Variants in RFC3 observed in about 807,000 individuals in gnomAD.
RFC3 encodes the protein replication factor C subunit 3, also known as A1 38 kDa subunit.
In RFC3, 41 loss-of-function variants were observed where a neutral mutation model predicts 45.1. The observed-to-expected ratio is 0.91, with a 90% confidence interval of 0.71 to 1.18. The LOEUF (loss-of-function observed/expected upper bound fraction) is 1.18, where lower values mean the gene tolerates loss of function less well. RFC3 is among the 50% of genes most tolerant of loss of function. RFC3 has a pLI of 0.00. For synonymous variants in RFC3, 149 were observed against 144.0 expected, an observed-to-expected ratio of 1.03 and a Z score of -0.25; for missense variants, 423 against 428.1, an observed-to-expected ratio of 0.99 and a Z score of 0.10.
intron 8 of RFC3, among the ~76,000 whole-genome samples, chr13:33,906,431 T>A (rs1266585086): frequency 3.9e-5 from 6 of 151,990 alleles, no homozygotes; most frequent in African/African-American, 1.4e-4. Context: ...AATCTCCATA[T>A]GACTAAATAT....
chr13:33,970,148 C>A (rs1188729462), downstream of RFC3, among the ~76,000 whole-genome samples: 1 of 152,102 alleles, frequency 6.6e-6, no homozygotes, highest in Admixed American at 6.6e-5. Context: ...CATGTGTTCT[C>A]ATCATTCACT....
chr13:33,958,820 C>A (rs933050569), intron 8 of RFC3, among the ~76,000 whole-genome samples: 3 of 152,142 alleles, frequency 2.0e-5, no homozygotes, highest in African/African-American at 7.2e-5. Flanking sequence ...GCTGCCCTAC[C>A]CCCATGATTA....
Position 33,837,476 on chromosome 13 carries a change from T to C in RFC3, c.*1181T>C, listed in dbSNP as rs1434411259. 1 of 152,186 alleles carries C rather than the reference T, an allele frequency of 6.6e-6. No homozygotes were observed. Among genetic ancestry groups the C allele is most frequent in the Non-Finnish European group, 1.5e-5 (1 of 68,008 alleles). 9.4% of individuals were successfully genotyped at this position (152,186 alleles called of 1,614,324 possible). A position where few individuals can be genotyped will look rare whatever the true frequency, so the allele number is the denominator to read the frequency against. ...GGTTTGTTTCCAGGTTTGGTTATTA[T>C]GAATAAAGTTGCTGTGAATACTTAC... On this transcript the variant is annotated 3_prime_UTR_variant, in exon 9 of 9. Coordinates refer to ENST00000380071, the MANE Select transcript of RFC3 (RefSeq NM_002915.4).
chr13:33,828,841 G>GC (rs1490316831), intron 4 of RFC3, among the ~76,000 whole-genome samples: 1 of 152,182 alleles, frequency 6.6e-6, no homozygotes, highest in Non-Finnish European at 1.5e-5. Context: ...CTGGCCAACT[G>GC]CTGCTTTCAA....
Position 33,881,599 on chromosome 13 carries a change from C to T in RFC3, c.879+46382C>T, listed in dbSNP as rs532371590. Among the ~76,000 whole-genome samples the T allele has an allele frequency of 2.0e-5, 3 of 152,174 alleles. No homozygotes were observed. In the South Asian group the frequency reaches 6.3e-4, roughly 32 times the overall value. On this transcript the variant is annotated intron_variant, in intron 8 of 8. Transcript: ENST00000434425. The stretch of plus-strand genomic sequence containing the variant: ...TCAGTAGGATCCGGCCAGTTGTCTC[C>T]TCTCGGGGGCTATTTCGAGGGTCTA...
intron 8 of RFC3, among the ~76,000 whole-genome samples, chr13:33,956,570 G>A (rs562089447): frequency 1.3e-5 from 2 of 152,190 alleles, no homozygotes; most frequent in African/African-American, 4.8e-5. Context: ...ATTTCCATAT[G>A]CCCAAACCTT....
chr13:33,834,298 G>GTATATATATATATATATATATATATATA (rs58858615), intron 7 of RFC3, among the ~76,000 whole-genome samples: 1 of 109,206 alleles, frequency 9.2e-6, no homozygotes, highest in Non-Finnish European at 1.7e-5. Context: ...TGTACTGTGT[G>GTATATATATATATATATATATATATATA]TATATATATA....
At chr13:33,861,643 C>T (rs2082341705) in intron 8 of RFC3, among the ~76,000 whole-genome samples, 1 of 144,068 alleles carries the variant, frequency 6.9e-6, no homozygotes. Flanking sequence ...AAAACTCCAT[C>T]TCAAAAAAAA....
intron 8 of RFC3, among the ~76,000 whole-genome samples, chr13:33,871,779 C>A (rs1188435712): frequency 6.6e-6 from 1 of 152,208 alleles, no homozygotes. Context: ...TGGGGCCATT[C>A]TCTTCACTTG....
intron 8 of RFC3, among the ~76,000 whole-genome samples, chr13:33,926,322 A>G (rs2082813238): frequency 6.6e-6 from 1 of 151,878 alleles, no homozygotes. Flanking sequence ...ACTAACCTGC[A>G]CATTGTGCAC....
At chr13:33,901,496 T>C (rs1014701680) in intron 8 of RFC3, among the ~76,000 whole-genome samples, 1 of 151,880 alleles carries the variant, frequency 6.6e-6, no homozygotes, top group Non-Finnish European at 1.5e-5. Context: ...GTGGGTATCA[T>C]GGAGATAGAG....
intron 8 of RFC3, among the ~76,000 whole-genome samples, chr13:33,843,888 CTA>C (rs1410597704): frequency 2.0e-5 from 3 of 152,186 alleles, no homozygotes; most frequent in Non-Finnish European, 2.9e-5. Context: ...CATATGCAGC[CTA>C]TGTTACCATA....
intron 8 of RFC3, among the ~76,000 whole-genome samples, chr13:33,952,148 C>G (rs2082994918): frequency 6.6e-6 from 1 of 152,184 alleles, no homozygotes; most frequent in Admixed American, 6.5e-5. Flanking sequence ...TTGTTTATGT[C>G]TGGAGAATAT....
intron 8 of RFC3, among the ~76,000 whole-genome samples, chr13:33,862,455 C>T (rs1277748340): frequency 6.6e-6 from 1 of 152,032 alleles, no homozygotes; most frequent in South Asian, 2.1e-4. Flanking sequence ...TTAATGCTTC[C>T]CATCCTTTAT....
chr13:33,846,429 C>T (rs2082237279), intron 8 of RFC3: 1 of 152,268 alleles, frequency 6.6e-6, no homozygotes, highest in Non-Finnish European at 1.5e-5. Context: ...ATGAGGCCCT[C>T]AGGACTCTAC....
At chr13:33,912,991 G>A (rs2082712229) in intron 8 of RFC3, among the ~76,000 whole-genome samples, 2 of 152,072 alleles carry the variant, frequency 1.3e-5, no homozygotes, top group African/African-American at 4.8e-5. Context: ...TGCTAGTCCT[G>A]TTCACAGAAA....
chr13:33,838,621 T>C (rs1324522272), downstream of RFC3, among the ~76,000 whole-genome samples: 1 of 152,144 alleles, frequency 6.6e-6, no homozygotes, highest in African/African-American at 2.4e-5. Context: ...TGTCTACATG[T>C]AGTTTTCTTT....
At position 33,836,960 on chromosome 13, in the gene RFC3, G is replaced by GTAAT. The variant is rs2082160799; in HGVS notation, c.*668_*671dup. The stretch of plus-strand genomic sequence containing the variant: ...TTCTGGAGAAAGGTATGTTACTGTA[G>GTAAT]TAATTACTCTTTGAACAGGTTTTGT... On this transcript the variant is annotated 3_prime_UTR_variant, in exon 9 of 9. Coordinates refer to ENST00000380071, the MANE Select transcript of RFC3 (RefSeq NM_002915.4). 1 of 978,482 alleles carries GTAAT rather than the reference G, an allele frequency of 1.0e-6. No homozygotes were observed. Among genetic ancestry groups the GTAAT allele is most frequent in the East Asian group, 1.1e-4 (1 of 8,810 alleles). 60.6% of individuals were successfully genotyped at this position (978,482 alleles called of 1,614,324 possible). A position where few individuals can be genotyped will look rare whatever the true frequency, so the allele number is the denominator to read the frequency against.
intron 8 of RFC3, among the ~76,000 whole-genome samples, chr13:33,887,512 T>G (rs927814680): frequency 1.3e-5 from 2 of 152,144 alleles, no homozygotes; most frequent in Non-Finnish European, 1.5e-5. Flanking sequence ...TTTGTTTGAG[T>G]TCATTGTAGA....
Sources: allele counts gnomAD v4.1 joint callset (sites outside exome capture counted in the v4.1 genomes callset), GRCh38; gene constraint gnomAD v4.1.1; transcripts MANE v1.5; gene names NCBI Gene and HGNC (gene_info 2026-07-23, HGNC 2026-07-21).